ADGRA3: variants seen among roughly 807,000 people sequenced by gnomAD.
ADGRA3 encodes adhesion G protein-coupled receptor A3.
ADGRA3 carries 56 observed loss-of-function variants against 119.8 expected under a neutral mutation model. The ratio of observed to expected loss-of-function variants is 0.47; its 90% CI spans 0.38 to 0.58. ADGRA3 has a LOEUF of 0.58. Among genes scored for constraint, ADGRA3 ranks in the 20% least tolerant of loss-of-function variants. ADGRA3 has a pLI of 0.00. For missense variants in ADGRA3, 1,516 were observed against 1,649.0 expected (o/e 0.92, Z 1.40); for synonymous variants, 607 against 623.8 (o/e 0.97, Z 0.40).
intron 17 of ADGRA3, among the ~76,000 whole-genome samples, chr4:22,391,559 A>G (rs1714136492): frequency 2.0e-5 from 3 of 152,094 alleles, no homozygotes; most frequent in Admixed American, 2.0e-4. Flanking sequence ...GGCTGCCCTA[A>G]TAACCTCAGC....
chr4:22,390,644 T>C lies in ADGRA3; in HGVS notation c.2628-1461A>G, dbSNP rs995984497. Among the ~76,000 whole-genome samples the C allele has an allele frequency of 3.3e-5, 5 of 151,576 alleles. No homozygotes were observed. In the South Asian group the frequency reaches 8.3e-4, roughly 25 times the overall value. On this transcript the variant is annotated intron_variant, in intron 17 of 18. Coordinates refer to ENST00000334304, the MANE Select transcript of ADGRA3 (RefSeq NM_145290.4). ...GGGTCAGAAGAATCTCACTGGCAAATCTCGTGTCCCACCCTCCAGGTAGGC... is the reference window on the plus strand; with the variant it reads ...GGGTCAGAAGAATCTCACTGGCAAACCTCGTGTCCCACCCTCCAGGTAGGC...
At position 22,515,730 on chromosome 4, in the gene ADGRA3, G is replaced by A; in HGVS notation, c.55C>T (p.Leu19Phe). Residue 19 changes from leucine to phenylalanine, a missense_variant, in exon 1 of 19, where the codon CTC becomes TTC. Coordinates refer to ENST00000334304, the MANE Select transcript of ADGRA3 (RefSeq NM_145290.4). ...AGCGCGAGCAGCGCTAACAGCGAGA[G>A]CGGCAGCAACAGCGGCGGCTGCGCG... ...GRAQPPLLLP[L>F]SLLALLALLG... The A allele has an allele frequency of 1.9e-6, 2 of 1,051,726 alleles. No individual in the cohort carries two copies. Among genetic ancestry groups the A allele is most frequent in the South Asian group, 4.1e-5 (1 of 24,432 alleles). The allele number at this position is 1,051,726 out of a possible 1,614,324, so 65.1% of individuals were successfully genotyped here. A position where few individuals can be genotyped will look rare whatever the true frequency, so the allele number is the denominator to read the frequency against.
chr4:22,481,095 T>G (rs1718246967), intron 1 of ADGRA3, among the ~76,000 whole-genome samples: 1 of 152,172 alleles, frequency 6.6e-6, no homozygotes, highest in African/African-American at 2.4e-5. Context: ...TTACAAATTG[T>G]ACTAATGTAA....
rs530712337 is a variant in ADGRA3 at position 22,487,720 on chromosome 4, C to G, written c.258-13877G>C. ...GAATACATAGCCTCTCCAAAAAGCT[C>G]TTTGGCCAAATGCATTCGGCAAGCA... On this transcript the variant is annotated intron_variant, in intron 1 of 18. Coordinates refer to ENST00000334304, the MANE Select transcript of ADGRA3 (RefSeq NM_145290.4). 1.4e-4 allele frequency among the ~76,000 whole-genome samples: 21 copies of G among 152,348 alleles called. No individual in the cohort carries two copies. The South Asian group carries it at 2.1e-3, about 15-fold the overall frequency.
intron 11 of ADGRA3, 126 bp downstream of exon 11, chr4:22,424,065 T>C (rs927975598): frequency 3.4e-6 from 2 of 586,196 alleles, no homozygotes; most frequent in Non-Finnish European, 5.3e-6. Flanking sequence ...TAAGAAGAAA[T>C]TCTGTAATAA....
chr4:22,436,497 A>G lies in ADGRA3; in HGVS notation c.1230T>C (p.Asp410=), dbSNP rs772420468. 1 of 1,612,942 alleles carries G rather than the reference A, an allele frequency of 6.2e-7. No homozygotes were observed. The highest frequency in any genetic ancestry group is 8.5e-7 in the Non-Finnish European group (1 of 1,179,856). ...CATTTGCATACTGACAGCGAGAATA[A>G]TCATCATCTGCCCAAAAGCCACCTC... The part of the protein sequence containing the change: ...CDRGGFWADD[D]YSRCQYANDV... Residue 410 remains aspartate (D), a synonymous_variant, in exon 9 of 19, where the codon GAT becomes GAC. Transcript: ENST00000334304.
chr4:22,476,890 C>A (rs1334819578), intron 1 of ADGRA3, among the ~76,000 whole-genome samples: 1 of 152,088 alleles, frequency 6.6e-6, no homozygotes, highest in African/African-American at 2.4e-5. Context: ...TGGTTTCGAA[C>A]TCCTGACCTC....
chr4:22,453,691 A>T (rs1048160916), intron 4 of ADGRA3, among the ~76,000 whole-genome samples: 3 of 152,134 alleles, frequency 2.0e-5, no homozygotes, highest in African/African-American at 7.2e-5. Context: ...TCTCTAAAAC[A>T]TGATTTCATG....
intron 1 of ADGRA3, among the ~76,000 whole-genome samples, chr4:22,502,241 A>C (rs1719072091): frequency 6.6e-6 from 1 of 152,212 alleles, no homozygotes; most frequent in Non-Finnish European, 1.5e-5. Flanking sequence ...AATAATTAGT[A>C]AGTATGAAAC....
intron 10 of ADGRA3, among the ~76,000 whole-genome samples, chr4:22,433,208 T>C (rs1437666482): frequency 6.6e-6 from 1 of 152,218 alleles, no homozygotes; most frequent in Non-Finnish European, 1.5e-5. Context: ...GAAGATAACA[T>C]AACTTTTCCG....
At chr4:22,441,381 A>G (rs192539157) in intron 7 of ADGRA3, among the ~76,000 whole-genome samples, 1 of 152,300 alleles carries the variant, frequency 6.6e-6, no homozygotes, top group African/African-American at 2.4e-5. Context: ...TCACTTTAGG[A>G]GAATATAACA....
At chr4:22,415,835 T>C (rs914922184) in intron 12 of ADGRA3, among the ~76,000 whole-genome samples, 2 of 151,868 alleles carry the variant, frequency 1.3e-5, no homozygotes, top group Middle Eastern at 3.4e-3. Flanking sequence ...GTAGAACCAA[T>C]TAAAAAAAAA....
intron 8 of ADGRA3, 120 bp from the exon 9 acceptor site, chr4:22,436,761 G>A (rs1716413185): frequency 1.2e-6 from 1 of 801,104 alleles, no homozygotes; most frequent in East Asian, 2.7e-5. Context: ...CCCTGACACG[G>A]GTCATCAAAA....
chr4:22,433,988 T>A (rs887045551), intron 10 of ADGRA3, among the ~76,000 whole-genome samples: 2 of 152,138 alleles, frequency 1.3e-5, no homozygotes, highest in Non-Finnish European at 2.9e-5. Context: ...GTGGCCTATT[T>A]GCCTAAGTCC....
chr4:22,413,083 AAAAAAAAAC>A, intron 14 of ADGRA3, 90 bp downstream of exon 14: 1 of 888,496 alleles, frequency 1.1e-6, no homozygotes, highest in Non-Finnish European at 1.8e-6. Context: ...AGTAAAAAAA[AAAAAAAAAC>A]AAAAAACAAA....
At chr4:22,505,182 A>G (rs1719194161) in intron 1 of ADGRA3, among the ~76,000 whole-genome samples, 1 of 152,168 alleles carries the variant, frequency 6.6e-6, no homozygotes, top group South Asian at 2.1e-4. Context: ...TGACTGTGTG[A>G]GTCACTTAGC....
At chr4:22,484,697 G>A (rs966690532) in intron 1 of ADGRA3, among the ~76,000 whole-genome samples, 6 of 152,066 alleles carry the variant, frequency 3.9e-5, no homozygotes, top group African/African-American at 1.4e-4. Context: ...GAAGGCTGGG[G>A]GTGACAGAGG....
chr4:22,481,199 G>T (rs1219091989), intron 1 of ADGRA3, among the ~76,000 whole-genome samples: 1 of 152,160 alleles, frequency 6.6e-6, no homozygotes, highest in Non-Finnish European at 1.5e-5. Flanking sequence ...AGAAAGGAAG[G>T]TTGGCTAGAT....
At chr4:22,451,786 T>C (rs1252861735) in intron 4 of ADGRA3, among the ~76,000 whole-genome samples, 1 of 152,006 alleles carries the variant, frequency 6.6e-6, no homozygotes, top group Non-Finnish European at 1.5e-5. Flanking sequence ...TGATCCACTC[T>C]AGAATTCCTT....
Sources: allele counts gnomAD v4.1 joint callset (sites outside exome capture counted in the v4.1 genomes callset), GRCh38; gene constraint gnomAD v4.1.1; transcripts MANE v1.5; gene names NCBI Gene and HGNC (gene_info 2026-07-23, HGNC 2026-07-21).